EPB41L4A: variants seen among roughly 807,000 people sequenced by gnomAD.
EPB41L4A encodes the protein erythrocyte membrane protein band 4.1 like 4A, also known as band 4.1-like protein 4A.
A neutral mutation model predicts 108.6 loss-of-function variants in EPB41L4A; 100 were observed. That is an observed-to-expected ratio of 0.92 (90% confidence interval 0.78 to 1.09). The LOEUF is 1.09. Ranked by LOEUF, EPB41L4A falls within the 50% of genes least tolerant of loss-of-function variation. EPB41L4A has a pLI of 0.00. For synonymous variants in EPB41L4A, 319 were observed against 289.0 expected (o/e 1.10, Z -1.05); for missense variants, 1,030 against 842.7 (o/e 1.22, Z -2.75).
At chr5:112,154,744 C>G (rs1286082330) in intron 12 of EPB41L4A, among the ~76,000 whole-genome samples, 1 of 152,058 alleles carries the variant, frequency 6.6e-6, no homozygotes, top group Non-Finnish European at 1.5e-5. Flanking sequence ...TTCATCATTG[C>G]TAAAGTGACA....
At chr5:112,222,753 A>C (rs1292257105) in intron 12 of EPB41L4A, among the ~76,000 whole-genome samples, 10 of 152,070 alleles carry the variant, frequency 6.6e-5, no homozygotes. Context: ...ACTGCACATC[A>C]TCTTTTCTGG....
At chr5:112,266,124 T>C (rs1269709692) in intron 5 of EPB41L4A, 109 bp downstream of exon 5, 3 of 782,224 alleles carry the variant, frequency 3.8e-6, no homozygotes, top group Non-Finnish European at 6.0e-6. Context: ...ATTTCTTTTT[T>C]TTGCAAAATC....
chr5:112,259,283 A>T lies in EPB41L4A; in HGVS notation c.741T>A (p.Ile247=), dbSNP rs1233248082. ...GAGTCTCCTTGAAGTGAACCTTTGT[A>T]ATCCGAGGCCTAAAAAACAAAGCAG... ...KQVGKYFWPR[I]TKVHFKETQF... The change falls in exon 9 of 23, where the codon ATT becomes ATA. Residue 247 remains isoleucine (I), a synonymous_variant. Coordinates refer to ENST00000261486, the MANE Select transcript of EPB41L4A (RefSeq NM_022140.5). 2 of 1,613,916 alleles carry T rather than the reference A, an allele frequency of 1.2e-6. No individual in the cohort carries two copies. The highest frequency in any genetic ancestry group is 3.3e-5 in the Admixed American group (2 of 60,026).
At chr5:112,219,787 C>CAAGA (rs1747916464) in intron 12 of EPB41L4A, among the ~76,000 whole-genome samples, 1 of 152,190 alleles carries the variant, frequency 6.6e-6, no homozygotes, top group African/African-American at 2.4e-5. Flanking sequence ...CTTCCATCTT[C>CAAGA]TGAGTTCAAG....
intron 12 of EPB41L4A, among the ~76,000 whole-genome samples, chr5:112,230,038 C>T (rs1322877919): frequency 6.7e-6 from 1 of 150,118 alleles, no homozygotes; most frequent in African/African-American, 2.4e-5. Flanking sequence ...CAGGTTGCCA[C>T]GAATGCCATT....
rs371500572 is a variant in EPB41L4A, at chr5:112,241,946, T to C, written c.796-1136A>G. ...CAGCATTAGGTCTTAAAAAAACATATATACTATAATTTAAAAATACTTCAT... is the reference window on the plus strand; with the variant it reads ...CAGCATTAGGTCTTAAAAAAACATACATACTATAATTTAAAAATACTTCAT... On this transcript the variant is annotated intron_variant, in intron 9 of 22. Coordinates refer to ENST00000261486, the MANE Select transcript of EPB41L4A (RefSeq NM_022140.5). 3.2e-4 allele frequency among the ~76,000 whole-genome samples: 48 copies of C among 152,284 alleles called. No individual in the cohort carries two copies. In the East Asian group the frequency reaches 5.8e-3, roughly 18 times the overall value.
intron 12 of EPB41L4A, among the ~76,000 whole-genome samples, chr5:112,232,131 AGAGAG>A (rs1561494965): frequency 3.6e-4 from 51 of 141,806 alleles, no homozygotes; most frequent in Admixed American, 8.3e-4. Flanking sequence ...AAAAAAAAAG[AGAGAG>A]AGAGAGAGAG....
At chr5:112,378,062 C>T (rs1421021213) in intron 1 of EPB41L4A, among the ~76,000 whole-genome samples, 1 of 152,152 alleles carries the variant, frequency 6.6e-6, no homozygotes, top group Non-Finnish European at 1.5e-5. Flanking sequence ...AAAGTACAGT[C>T]CTTAAAACAG....
intron 4 of EPB41L4A, among the ~76,000 whole-genome samples, chr5:112,271,989 TAA>T (rs1752287657): frequency 1.3e-5 from 2 of 152,152 alleles, no homozygotes; most frequent in Non-Finnish European, 2.9e-5. Context: ...ATGATTCTAT[TAA>T]CGTACATTTT....
rs77976713 is a variant in EPB41L4A at position 112,275,377 on chromosome 5, C to T, written c.284G>A (p.Gly95Asp). 5 of 1,553,304 alleles carry T rather than the reference C, an allele frequency of 3.2e-6. No individual in the cohort carries two copies. In the Admixed American group the frequency reaches 7.4e-5, roughly 23 times the overall value. Residue 95 changes from glycine (G) to aspartate (D), a missense_variant, in exon 4 of 23, where the codon GGT (glycine) becomes GAT (aspartate). Physicochemically the swap from Gly to Asp is moderately conservative, Grantham distance 94 (BLOSUM62 -1). Coordinates refer to ENST00000261486, the MANE Select transcript of EPB41L4A (RefSeq NM_022140.5). ...NTGPPYTLYF[G>D]IKFYAEDPCK... is the part of the protein sequence containing the mutation. The stretch of plus-strand genomic sequence containing the variant: ...TGGATCTTCAGCATAGAATTTAATA[C>T]CAAAATACAAAGTATATGGAGGTCC...
intron 22 of EPB41L4A, among the ~76,000 whole-genome samples, chr5:112,165,546 A>G (rs1296789278): frequency 1.3e-5 from 2 of 152,200 alleles, no homozygotes; most frequent in East Asian, 1.9e-4. Flanking sequence ...CACTTGTCTC[A>G]TACGGAGAAA....
At chr5:112,375,902 G>A (rs1759790260) in intron 1 of EPB41L4A, among the ~76,000 whole-genome samples, 1 of 152,178 alleles carries the variant, frequency 6.6e-6, no homozygotes, top group South Asian at 2.1e-4. Flanking sequence ...CAACATCCCT[G>A]GGGAGTGAAT....
intron 2 of EPB41L4A, among the ~76,000 whole-genome samples, chr5:112,296,760 C>G (rs1366696561): frequency 6.6e-6 from 1 of 152,078 alleles, no homozygotes; most frequent in African/African-American, 2.4e-5. Flanking sequence ...CACCCCCTTC[C>G]TACCCCTTCC....
chr5:112,348,927 G>A (rs1053938616), intron 1 of EPB41L4A, among the ~76,000 whole-genome samples: 1 of 152,160 alleles, frequency 6.6e-6, no homozygotes, highest in Non-Finnish European at 1.5e-5. Context: ...ACTAAGACAG[G>A]GTTCAAATCA....
At chr5:112,206,922 T>C (rs916194153) in intron 13 of EPB41L4A, 2 of 152,174 alleles carry the variant, frequency 1.3e-5, no homozygotes, top group Admixed American at 6.5e-5. Flanking sequence ...ACATCATTTT[T>C]TCACAGGAAA....
At chr5:112,248,519 G>A (rs1218123897) in intron 9 of EPB41L4A, among the ~76,000 whole-genome samples, 1 of 152,092 alleles carries the variant, frequency 6.6e-6, no homozygotes. Context: ...AACGAATCAA[G>A]ATTGAGTCAC....
intron 11 of EPB41L4A, among the ~76,000 whole-genome samples, chr5:112,238,882 C>T (rs1257247646): frequency 2.0e-5 from 3 of 152,136 alleles, no homozygotes; most frequent in Non-Finnish European, 4.4e-5. Flanking sequence ...AAATATAGAA[C>T]CCACTCTCAT....
At chr5:112,178,788 A>G (rs1257573550) in intron 18 of EPB41L4A, among the ~76,000 whole-genome samples, 1 of 152,060 alleles carries the variant, frequency 6.6e-6, no homozygotes, top group African/African-American at 2.4e-5. Flanking sequence ...AGGGAAATTT[A>G]TAAATTTATG....
intron 1 of EPB41L4A, among the ~76,000 whole-genome samples, chr5:112,394,296 A>G (rs138450708): frequency 4.6e-5 from 7 of 152,328 alleles, no homozygotes; most frequent in African/African-American, 1.7e-4. Context: ...GAGGAAGTCA[A>G]ATTGTGCCAG....
Sources: gnomAD v4.1 joint callset for allele counts (sites outside exome capture counted in the v4.1 genomes callset) on GRCh38, gnomAD v4.1.1 for gene constraint, MANE v1.5 for transcripts, NCBI Gene and HGNC (gene_info 2026-07-23, HGNC 2026-07-21) for gene names.